Variants in ZC3H18 observed in about 807,000 individuals in gnomAD.
ZC3H18 encodes zinc finger CCCH domain-containing protein 18.
In ZC3H18, 8 loss-of-function variants were observed where a neutral mutation model predicts 106.1. The observed-to-expected ratio is 0.08, with a 90% CI of 0.04 to 0.14. The LOEUF (loss-of-function observed/expected upper bound fraction) is 0.14, where lower values mean the gene tolerates loss of function less well. Among genes scored for constraint, ZC3H18 ranks in the 10% least tolerant of loss-of-function variants. The pLI is 1.00. For missense variants in ZC3H18, 1,318 were observed against 1,278.4 expected (o/e 1.03, Z -0.47); for synonymous variants, 635 against 522.1 (o/e 1.22, Z -2.95).
chr16:88,630,368 G>A, intron 16 of ZC3H18, 117 bp from the exon 17 acceptor site: 1 of 684,296 alleles, frequency 1.5e-6, no homozygotes, highest in Non-Finnish European at 2.5e-6. Context: ...TAAAAATGAA[G>A]GTGGTGAACT....
In ZC3H18 at chr16:88,577,542, C is replaced by T; in HGVS notation, c.419C>T (p.Pro140Leu). 6.2e-7 allele frequency: 1 copy of T among 1,613,378 alleles called. No homozygotes were observed. The highest frequency in any genetic ancestry group is 8.5e-7 in the Non-Finnish European group (1 of 1,179,942). ...YDEEVPEEPA[P>L]AVQEDEAEKA... ...GAGGAGGTTCCTGAGGAGCCAGCTCCCGCCGTCCAGGAGGACGAGGCTGAG... is the reference window on the plus strand; with the variant it reads ...GAGGAGGTTCCTGAGGAGCCAGCTCTCGCCGTCCAGGAGGACGAGGCTGAG... Residue 140 changes from proline (P) to leucine (L), a missense_variant, in exon 2 of 18, where the codon CCC becomes CTC. Physicochemically the swap from Pro to Leu is moderately conservative, Grantham distance 98 (BLOSUM62 -3). This residue lies in a region of ZC3H18 where 346 missense variants were observed against 269.0 expected (regional missense o/e 1.29). Coordinates refer to ENST00000301011, the MANE Select transcript of ZC3H18 (RefSeq NM_144604.4).
intron 3 of ZC3H18, among the ~76,000 whole-genome samples, chr16:88,589,708 C>G (rs1194943664): frequency 1.3e-5 from 2 of 151,732 alleles, no homozygotes; most frequent in African/African-American, 4.8e-5. Flanking sequence ...ACAATGTGGA[C>G]GAGCCTTAAA....
intron 2 of ZC3H18, among the ~76,000 whole-genome samples, chr16:88,583,388 T>A (rs1040023724): frequency 6.6e-6 from 1 of 152,214 alleles, no homozygotes; most frequent in Non-Finnish European, 1.5e-5. Context: ...CTGCTCATGT[T>A]TTAAGCACGG....
intron 3 of ZC3H18, among the ~76,000 whole-genome samples, chr16:88,596,941 G>A (rs772415551): frequency 6.6e-6 from 1 of 152,154 alleles, no homozygotes; most frequent in Admixed American, 6.5e-5. Flanking sequence ...TGTTGTTTTT[G>A]AGAGAGACTC....
intron 8 of ZC3H18, among the ~76,000 whole-genome samples, chr16:88,618,685 G>T (rs776116550): frequency 6.4e-4 from 97 of 152,318 alleles, no homozygotes; most frequent in Admixed American, 1.4e-3. Context: ...GCCCCTTAGA[G>T]AGTCTCCTGT....
chr16:88,627,540 TA>T lies in ZC3H18; in HGVS notation c.2109-78del, dbSNP rs1339868392. 12 of 1,518,632 alleles carry T rather than the reference TA, an allele frequency of 7.9e-6. No individual in the cohort carries two copies. In the Admixed American group the frequency reaches 2.5e-4, roughly 31 times the overall value. 94.1% of individuals were successfully genotyped at this position (1,518,632 alleles called of 1,614,324 possible). On this transcript the variant is annotated intron_variant, in intron 13 of 17. Transcript: ENST00000301011. This position sits in a 1 kb window ranked among gnomAD's most constrained non-coding sequence, Gnocchi z 4.5. ...ACATGATCCATAAATGGACACTGCG[TA>T]AAAGTGGACCATGGAGCACCCCCTG...
intron 9 of ZC3H18, chr16:88,622,907 GAC>G: frequency 5.1e-6 from 2 of 394,724 alleles, no homozygotes; most frequent in Non-Finnish European, 9.4e-6. Context: ...TGAACAGATA[GAC>G]ACACACACGG....
rs974889220 is a variant in ZC3H18, at chr16:88,631,892, T to G, written c.*593T>G. The G allele has an allele frequency of 3.5e-4, 105 of 297,130 alleles. No homozygotes were observed. The highest frequency in any genetic ancestry group is 1.6e-3 in the African/African-American group (69 of 43,148). The allele number at this position is 297,130 out of a possible 1,614,324, so 18.4% of individuals were successfully genotyped here. On this transcript the variant is annotated 3_prime_UTR_variant, in exon 18 of 18. Transcript: ENST00000301011. ...AAAGACCAAAAAAAGGCCAAGGGTG[T>G]TGTTGGGGCGTCTGTCTAATGTGGT...
Position 88,576,750 on chromosome 16 carries a change from C to T in ZC3H18, c.-14-360C>T, listed in dbSNP as rs943099990. Reference sequence around the variant, plus strand: ...ATCTTTAATTTCAAAAGTAAATACTCCTCTAAGAATTCACACAGCTGTCCT... The same window carrying T: ...ATCTTTAATTTCAAAAGTAAATACTTCTCTAAGAATTCACACAGCTGTCCT... On this transcript the variant is annotated intron_variant, in intron 1 of 17. Transcript: ENST00000301011. Among the ~76,000 whole-genome samples, 25 of 152,212 alleles carry T rather than the reference C, an allele frequency of 1.6e-4. 1 individual carries two copies. The highest frequency in any genetic ancestry group is 1.5e-3 in the Admixed American group (23 of 15,282).
At position 88,611,408 on chromosome 16, in the gene ZC3H18, G is replaced by T. The variant is rs1905268201; in HGVS notation, c.1347G>T (p.Arg449Ser). The T allele has an allele frequency of 7.7e-7, 1 of 1,293,192 alleles. No homozygotes were observed. 80.1% of individuals were successfully genotyped at this position (1,293,192 alleles called of 1,614,324 possible). A position where few individuals can be genotyped will look rare whatever the true frequency, so the allele number is the denominator to read the frequency against. ...AGCGCGACAAGGAGCGGCAGCGGAG[G>T]AAGGAGGAGTGGGAGCGTGAGCGAG... Reference protein sequence around the residue: ...ERERDKERQRRKEEWERERAK... With the variant: ...ERERDKERQRSKEEWERERAK... The change falls in exon 8 of 18, where the codon AGG (arginine) becomes AGT (serine). Residue 449 changes from arginine to serine, a missense_variant. Arg to Ser is a moderately radical substitution (Grantham distance 110). Around this residue, in one of 6 missense-constraint regions of ZC3H18, gnomAD observed 848 missense variants for 821.7 expected, o/e 1.03. Coordinates refer to ENST00000301011, the MANE Select transcript of ZC3H18 (RefSeq NM_144604.4).
chr16:88,616,485 C>A (rs1014164653), intron 8 of ZC3H18, among the ~76,000 whole-genome samples: 2 of 152,174 alleles, frequency 1.3e-5, no homozygotes, highest in African/African-American at 4.8e-5. Flanking sequence ...GGGGAGTCCC[C>A]GGTCTTGGCT....
intron 6 of ZC3H18, among the ~76,000 whole-genome samples, chr16:88,608,211 G>GGGTGCCTCCACACAGGGACAGGT (rs1402191900): frequency 2.0e-5 from 3 of 152,186 alleles, no homozygotes; most frequent in Admixed American, 2.0e-4. Context: ...TCCAGTCAGG[G>GGGTGCCTCCACACAGGGACAGGT]GGTGCCTCCA....
At chr16:88,587,522 T>C (rs767894150) in intron 3 of ZC3H18, 1 of 1,534,812 alleles carries the variant, frequency 6.5e-7, no homozygotes, top group South Asian at 1.2e-5. Flanking sequence ...TCACAAGAGC[T>C]TCCTGTACTT....
chr16:88,618,908 G>A lies in ZC3H18; in HGVS notation c.1476-3289G>A, dbSNP rs144839323. 2.8e-3 allele frequency among the ~76,000 whole-genome samples: 419 copies of A among 152,220 alleles called. 1 individual carries two copies. The highest frequency in any genetic ancestry group is 9.6e-3 in the African/African-American group (399 of 41,532). ...CTCAGCCCACACTGGCTCCCTCTGC[G>A]CAGGCCCCTACTTGTGAAGGAGCTG... On this transcript the variant is annotated intron_variant, in intron 8 of 17. Coordinates refer to ENST00000301011, the MANE Select transcript of ZC3H18 (RefSeq NM_144604.4).
In ZC3H18 at chr16:88,609,056, G is replaced by T; in HGVS notation, c.1206+5G>T. ...GAGCCGTATCATAATTACCGAGTAAGTATGACTTCAATATCCACATATGAA... is the reference window on the plus strand; with the variant it reads ...GAGCCGTATCATAATTACCGAGTAATTATGACTTCAATATCCACATATGAA... On this transcript the variant is annotated splice_donor_5th_base_variant and intron_variant, in intron 7 of 17. Transcript: ENST00000301011. 1.3e-6 allele frequency: 2 copies of T among 1,592,658 alleles called. No individual in the cohort carries two copies. The highest frequency in any genetic ancestry group is 1.7e-6 in the Non-Finnish European group (2 of 1,161,344).
intron 15 of ZC3H18, 69 bp from the exon 16 acceptor site, chr16:88,628,672 TGGCAAGGAACCCATGTC>T: frequency 6.9e-7 from 1 of 1,451,310 alleles, no homozygotes; most frequent in South Asian, 1.2e-5. Flanking sequence ...AGCAGGTTGC[TGGCAAGGAACCCATGTC>T]CTCTGGGGCG....
chr16:88,583,335 T>C (rs1463902484), intron 2 of ZC3H18, among the ~76,000 whole-genome samples: 1 of 152,268 alleles, frequency 6.6e-6, no homozygotes, highest in Non-Finnish European at 1.5e-5. Context: ...AGTGAGGCGT[T>C]TCCTTTGAAA....
chr16:88,577,163 C>G lies in ZC3H18; in HGVS notation c.40C>G (p.Pro14Ala). The change falls in exon 2 of 18, where the codon CCA becomes GCA. Residue 14 changes from proline (P) to alanine (A), a missense_variant. Physicochemically the swap from Pro to Ala is conservative, Grantham distance 27. This residue lies in a region of ZC3H18 where 346 missense variants were observed against 269.0 expected (regional missense o/e 1.29). Transcript: ENST00000301011. ...GAGCCCTGAACGGGATCCTCACTCT[C>G]CAGAGGATGAAGAGCAGCCACAGGG... is the stretch of plus-strand genomic sequence containing the variant. ...AESPERDPHS[P>A]EDEEQPQGLS... The G allele has an allele frequency of 6.3e-7, 1 of 1,596,844 alleles. No homozygotes were observed. Among genetic ancestry groups the G allele is most frequent in the Non-Finnish European group, 8.5e-7 (1 of 1,169,948 alleles).
intron 2 of ZC3H18, among the ~76,000 whole-genome samples, chr16:88,584,279 A>C (rs1055309695): frequency 5.3e-5 from 8 of 152,120 alleles, no homozygotes; most frequent in African/African-American, 1.9e-4. Context: ...AAAATTAGCC[A>C]GGCGTGATGT....
Sources: allele counts gnomAD v4.1 joint callset (sites outside exome capture counted in the v4.1 genomes callset), GRCh38; gene constraint gnomAD v4.1.1; regional missense constraint gnomAD v4.1.1; non-coding constraint Gnocchi (gnomAD v3.1); transcripts MANE v1.5; gene names NCBI Gene and HGNC (gene_info 2026-07-23, HGNC 2026-07-21).